GTF2A1L: variants seen among roughly 807,000 people sequenced by gnomAD.
GTF2A1L encodes general transcription factor IIA subunit 1 like, also known as TFIIA-alpha and beta-like factor.
In GTF2A1L, 48 loss-of-function variants were observed where a neutral mutation model predicts 49.7. The ratio of observed to expected loss-of-function variants is 0.97; its 90% CI spans 0.77 to 1.23. The LOEUF is 1.23. Ranked by LOEUF, GTF2A1L falls within the 50% of genes most tolerant of loss-of-function variation. The pLI is 0.00. For synonymous variants in GTF2A1L, 246 were observed against 193.5 expected, an observed-to-expected ratio of 1.27 and a Z score of -2.25; for missense variants, 736 against 564.8, an observed-to-expected ratio of 1.30 and a Z score of -3.07.
At chr2:48,671,713 T>G in intron 8 of GTF2A1L, 33 bp downstream of exon 8, 1 of 1,568,208 alleles carries the variant, frequency 6.4e-7, no homozygotes, top group Non-Finnish European at 8.7e-7. Flanking sequence ...TTTGGGTTTA[T>G]TAACTGCATT....
chr2:48,650,930 G>C (rs1423168973), intron 6 of GTF2A1L, among the ~76,000 whole-genome samples: 1 of 152,150 alleles, frequency 6.6e-6, no homozygotes, highest in Non-Finnish European at 1.5e-5. Flanking sequence ...TGAAAAGAAT[G>C]TGTATTGTAG....
intron 6 of GTF2A1L, 180 bp downstream of exon 6, chr2:48,647,222 G>A (rs1258079489): frequency 5.5e-6 from 3 of 540,554 alleles, no homozygotes; most frequent in Admixed American, 3.8e-5. Context: ...TAAAATACAC[G>A]TAACATAAAG....
At chr2:48,665,331 A>G (rs1171912359) in intron 6 of GTF2A1L, among the ~76,000 whole-genome samples, 4 of 110,544 alleles carry the variant, frequency 3.6e-5, no homozygotes, top group Non-Finnish European at 4.0e-5. Context: ...TTTCCCTTTT[A>G]AAATTTTCAT....
At chr2:48,673,909 A>G (rs1679310816) in intron 8 of GTF2A1L, among the ~76,000 whole-genome samples, 1 of 152,108 alleles carries the variant, frequency 6.6e-6, no homozygotes, top group South Asian at 2.1e-4. Context: ...AGGTCAGATA[A>G]TCCTTTTATG....
intron 6 of GTF2A1L, among the ~76,000 whole-genome samples, chr2:48,658,041 C>G (rs1001515392): frequency 3.9e-5 from 6 of 152,146 alleles, no homozygotes; most frequent in African/African-American, 1.2e-4. Context: ...AATATTTTCT[C>G]TAATTCTGTA....
chr2:48,643,568 A>T (rs6710333), intron 4 of GTF2A1L, among the ~76,000 whole-genome samples: 48,689 of 152,004 alleles, frequency 0.32, 8,020 homozygotes, highest in South Asian at 0.34. Context: ...TTTTCCTGTT[A>T]AAATAAGTAA....
chr2:48,665,731 A>G (rs1678806835), intron 6 of GTF2A1L, among the ~76,000 whole-genome samples: 2 of 152,110 alleles, frequency 1.3e-5, no homozygotes. Context: ...GTTTCAGAAT[A>G]TGGTTTATCT....
chr2:48,654,872 A>T (rs901359962), intron 6 of GTF2A1L, among the ~76,000 whole-genome samples: 1 of 152,190 alleles, frequency 6.6e-6, no homozygotes, highest in Non-Finnish European at 1.5e-5. Context: ...TCATGTGACT[A>T]TCTTTTTGCT....
rs1677503608 is a variant in GTF2A1L, at chr2:48,646,315, C to G, written c.389-138C>G. 3 of 660,002 alleles carry G rather than the reference C, an allele frequency of 4.5e-6. No individual in the cohort carries two copies. In the East Asian group the frequency reaches 9.6e-5, roughly 21 times the overall value. The allele number at this position is 660,002 out of a possible 1,614,324, so 40.9% of individuals were successfully genotyped here. On this transcript the variant is annotated intron_variant, in intron 5 of 8. Transcript: ENST00000403751. ...ATGTCTGAAGAATAAAAGAAAAACCCCTAGAGATAACCACCATTAACATAT... is the reference window on the plus strand; with the variant it reads ...ATGTCTGAAGAATAAAAGAAAAACCGCTAGAGATAACCACCATTAACATAT...
rs890622929 is a variant in GTF2A1L, at chr2:48,625,295, A to T, written c.247+4005A>T. ...ATATCTTAATGCAGTTTTGACTTAT[A>T]TTCCTCTGATGAATAGTGATGTTGA... On this transcript the variant is annotated intron_variant, in intron 3 of 8. Transcript: ENST00000403751. 2.1e-5 allele frequency among the ~76,000 whole-genome samples: 3 copies of T among 143,570 alleles called. 1 individual carries two copies. The highest frequency in any genetic ancestry group is 4.7e-5 in the Non-Finnish European group (3 of 63,838). The allele number at this position is 143,570 out of a possible 152,430, so 94.2% of individuals were successfully genotyped here. A position where few individuals can be genotyped will look rare whatever the true frequency, so the allele number is the denominator to read the frequency against.
chr2:48,645,930 G>A (rs1677476754), intron 5 of GTF2A1L, among the ~76,000 whole-genome samples: 1 of 150,466 alleles, frequency 6.6e-6, no homozygotes, highest in Non-Finnish European at 1.5e-5. Flanking sequence ...TTACAGGCAT[G>A]AGCCACCGCG....
chr2:48,664,328 TA>T (rs1558762178), intron 6 of GTF2A1L, among the ~76,000 whole-genome samples: 3 of 151,862 alleles, frequency 2.0e-5, no homozygotes, highest in African/African-American at 7.2e-5. Flanking sequence ...TTTTTTTTTT[TA>T]AATCATGAGT....
At chr2:48,655,468 G>A (rs572329039) in intron 6 of GTF2A1L, among the ~76,000 whole-genome samples, 3 of 152,064 alleles carry the variant, frequency 2.0e-5, no homozygotes, top group African/African-American at 7.2e-5. Context: ...TGGGATTATA[G>A]ACGTATGAGC....
At chr2:48,646,359 C>G in intron 5 of GTF2A1L, 94 bp from the exon 6 acceptor site, 1 of 1,202,232 alleles carries the variant, frequency 8.3e-7, no homozygotes, top group Non-Finnish European at 1.1e-6. Context: ...TTTTTTCCAG[C>G]CTTTGTGGAT....
Position 48,627,114 on chromosome 2 carries a change from T to A in GTF2A1L, c.247+5824T>A, listed in dbSNP as rs571978452. Among the ~76,000 whole-genome samples the A allele has an allele frequency of 2.8e-4, 40 of 144,098 alleles. 7 individuals carry two copies. The highest frequency in any genetic ancestry group is 9.6e-4 in the African/African-American group (39 of 40,602). The allele number at this position is 144,098 out of a possible 152,430, so 94.5% of individuals were successfully genotyped here. A position where few individuals can be genotyped will look rare whatever the true frequency, so the allele number is the denominator to read the frequency against. On this transcript the variant is annotated intron_variant, in intron 3 of 8. Transcript: ENST00000403751. ...TACCTCGATCTCTTTATTTTTTATA[T>A]CTGTTCCTAAATTCAATCTGTTGTG... is the stretch of plus-strand genomic sequence containing the variant.
At chr2:48,635,795 T>A (rs921812726) in intron 3 of GTF2A1L, among the ~76,000 whole-genome samples, 18 of 152,046 alleles carry the variant, frequency 1.2e-4, no homozygotes, top group Non-Finnish European at 1.2e-4. Flanking sequence ...GCAACCAGAT[T>A]AAAAATGGCA....
At chr2:48,623,559 C>T (rs1280317385) in intron 3 of GTF2A1L, among the ~76,000 whole-genome samples, 1 of 152,182 alleles carries the variant, frequency 6.6e-6, no homozygotes, top group African/African-American at 2.4e-5. Context: ...AGTTCTATTA[C>T]TAGGCATTTA....
intron 1 of GTF2A1L, among the ~76,000 whole-genome samples, chr2:48,618,966 C>T (rs781408533): frequency 4.6e-5 from 7 of 152,098 alleles, no homozygotes; most frequent in Non-Finnish European, 7.4e-5. Context: ...CGGTGTTAAG[C>T]GTGATCACAC....
rs559228506 is a variant in GTF2A1L at position 48,645,741 on chromosome 2, TG to T, written c.388+627del. On this transcript the variant is annotated intron_variant, in intron 5 of 8. Coordinates refer to ENST00000403751, the MANE Select transcript of GTF2A1L (RefSeq NM_006872.5). ...TCTGCTCACTGCAAGCTCCGCCTCC[TG>T]GGTTCACGCCATTCTCCTGCCTCAG... Among the ~76,000 whole-genome samples the T allele has an allele frequency of 2.6e-4, 40 of 152,270 alleles. 1 individual carries two copies. The South Asian group carries it at 8.1e-3, about 31-fold the overall frequency.
Sources: allele counts gnomAD v4.1 joint callset (sites outside exome capture counted in the v4.1 genomes callset), GRCh38; gene constraint gnomAD v4.1.1; transcripts MANE v1.5; gene names NCBI Gene and HGNC (gene_info 2026-07-23, HGNC 2026-07-21).